FAM131B: variants seen among roughly 807,000 people sequenced by gnomAD.
FAM131B encodes family with sequence similarity 131 member B.
Under a neutral mutation model 42.0 loss-of-function variants are expected in FAM131B, and 19 were observed. The ratio of observed to expected loss-of-function variants is 0.45; its 90% CI spans 0.32 to 0.66. FAM131B has a LOEUF of 0.66. FAM131B is among the 30% of genes least tolerant of loss of function. The pLI is 0.05. For synonymous variants in FAM131B, 183 were observed against 177.6 expected, an observed-to-expected ratio of 1.03 and a Z score of -0.24; for missense variants, 370 against 468.4, an observed-to-expected ratio of 0.79 and a Z score of 1.94.
chr7:143,359,900 G>A lies in FAM131B; in HGVS notation c.139-133C>T. 2.0e-6 allele frequency: 2 copies of A among 1,011,280 alleles called. No homozygotes were observed. Among genetic ancestry groups the A allele is most frequent in the Non-Finnish European group, 3.0e-6 (2 of 659,522 alleles). 62.6% of individuals were successfully genotyped at this position (1,011,280 alleles called of 1,614,324 possible). A position where few individuals can be genotyped will look rare whatever the true frequency, so the allele number is the denominator to read the frequency against. ...TCCTGAGGTTGATGCCGCTAACTGG[G>A]TTCTCCATGTGGACTGCTTGGCATG... On this transcript the variant is annotated intron_variant, in intron 2 of 6. Coordinates refer to ENST00000443739, the MANE Select transcript of FAM131B (RefSeq NM_001031690.3). The surrounding 1 kb of genome is among the most constrained non-coding windows in gnomAD (Gnocchi z 5.4).
At chr7:143,360,345 T>C in intron 1 of FAM131B, 196 bp from the exon 2 acceptor site, 3 of 1,420,106 alleles carry the variant, frequency 2.1e-6, no homozygotes, top group Non-Finnish European at 2.8e-6. Context: ...CCCAGAATAG[T>C]GCACTCAGAA....
chr7:143,381,166 A>C, the FAM131B span: 1 of 985,578 alleles, frequency 1.0e-6, no homozygotes, highest in Non-Finnish European at 1.2e-6. Flanking sequence ...AGGCAGGATC[A>C]GGGCCCCTTC....
chr7:143,382,163 G>T, the FAM131B span: 5 of 1,167,246 alleles, frequency 4.3e-6, no homozygotes, highest in South Asian at 5.6e-5. Context: ...GAGTTCTTGG[G>T]TTAGGGGTTA....
At chr7:143,360,236 C>T in intron 1 of FAM131B, 87 bp from the exon 2 acceptor site, 1 of 1,535,864 alleles carries the variant, frequency 6.5e-7, no homozygotes, top group South Asian at 1.2e-5. Context: ...ACACCCCTTC[C>T]TTACCCCAGC....
rs887866002 is a variant in FAM131B, at chr7:143,362,654, G to A, written c.-51C>T. On this transcript the variant is annotated 5_prime_UTR_variant, in exon 1 of 7. Transcript: ENST00000443739. The surrounding 1 kb of genome is among the most constrained non-coding windows in gnomAD (Gnocchi z 7.7). Reference sequence around the variant, plus strand: ...CCTCACCGACTCGGGGCGCGCGCCGGGGGGAGCACCGGGAGCCGCGCCGCC... The same window carrying A: ...CCTCACCGACTCGGGGCGCGCGCCGAGGGGAGCACCGGGAGCCGCGCCGCC... 51 of 1,141,876 alleles carry A rather than the reference G, an allele frequency of 4.5e-5. No individual in the cohort carries two copies. In the Admixed American group the frequency reaches 6.8e-4, roughly 15 times the overall value. 70.7% of individuals were successfully genotyped at this position (1,141,876 alleles called of 1,614,324 possible).
rs1388668086 is a variant in FAM131B, at chr7:143,355,810, T to G, written c.*740A>C. ...GGATCTTCCTTTTAGCCATGGGATA[T>G]TAAAGATCCCAGAGCAAGGGGCTGT... On this transcript the variant is annotated 3_prime_UTR_variant, in exon 7 of 7. Coordinates refer to ENST00000443739, the MANE Select transcript of FAM131B (RefSeq NM_001031690.3). This position sits in a 1 kb window ranked among gnomAD's most constrained non-coding sequence, Gnocchi z 4.1. 3 of 152,292 alleles carry G rather than the reference T, an allele frequency of 2.0e-5. No individual in the cohort carries two copies. The highest frequency in any genetic ancestry group is 7.2e-5 in the African/African-American group (3 of 41,456). 9.4% of individuals were successfully genotyped at this position (152,292 alleles called of 1,614,324 possible).
chr7:143,356,894 A>T lies in FAM131B; in HGVS notation c.739T>A (p.Ser247Thr), dbSNP rs1169780409. Residue 247 changes from serine (S) to threonine (T), a missense_variant, in exon 7 of 7, where the codon TCC becomes ACC. Transcript: ENST00000443739. This position sits in a 1 kb window ranked among gnomAD's most constrained non-coding sequence, Gnocchi z 4.4. ...TCATCAAATGCAGGCCCAAGATAGG[A>T]TCCTGTGGCCGGAGAGGCAATGAGG... is the stretch of plus-strand genomic sequence containing the variant. ...QSLIASPATG[S>T]YLGPAFDDSQ... 1 of 1,614,074 alleles carries T rather than the reference A, an allele frequency of 6.2e-7. No individual in the cohort carries two copies. Among genetic ancestry groups the T allele is most frequent in the South Asian group, 1.1e-5 (1 of 91,078 alleles).
chr7:143,382,200 T>A, the FAM131B span: 3 of 1,506,602 alleles, frequency 2.0e-6, no homozygotes, highest in Non-Finnish European at 2.7e-6. Flanking sequence ...GGAGCTTGGG[T>A]GAGGGGTAGA....
At chr7:143,369,719 A>G in the FAM131B span, among the ~76,000 whole-genome samples, 1 of 151,100 alleles carries the variant, frequency 6.6e-6, no homozygotes. Context: ...CCTCATAAGC[A>G]TTCTTACCAA....
upstream of FAM131B, chr7:143,363,827 A>G (rs936719645): frequency 2.6e-5 from 4 of 152,240 alleles, no homozygotes; most frequent in Non-Finnish European, 4.4e-5. Context: ...AGAGAAGGCA[A>G]TGGGCCAGGG....
At chr7:143,377,473 G>A in the FAM131B span, among the ~76,000 whole-genome samples, 1 of 152,246 alleles carries the variant, frequency 6.6e-6, no homozygotes, top group South Asian at 2.1e-4. Context: ...GAAAGGGGCT[G>A]TTGATGGACC....
chr7:143,381,685 C>A, the FAM131B span: 1 of 1,609,526 alleles, frequency 6.2e-7, no homozygotes, highest in Non-Finnish European at 8.5e-7. Context: ...AAGTGAATCC[C>A]TTCCGGCCCG....
the FAM131B span, chr7:143,382,285 C>T: frequency 2.5e-6 from 4 of 1,612,770 alleles, no homozygotes; most frequent in Admixed American, 1.7e-5. Flanking sequence ...CTGGGGATGG[C>T]GACGATGCAG....
chr7:143,363,867 C>T (rs745827538), upstream of FAM131B: 5 of 152,126 alleles, frequency 3.3e-5, no homozygotes, highest in Non-Finnish European at 7.3e-5. Flanking sequence ...AACAGGGAGG[C>T]TAAGTCTTAT....
At chr7:143,381,208 C>T in the FAM131B span, 1 of 1,000,414 alleles carries the variant, frequency 1.0e-6, no homozygotes, top group Non-Finnish European at 1.2e-6. Context: ...TCCGCCCTTC[C>T]CCGCTCTCCC....
the FAM131B span, among the ~76,000 whole-genome samples, chr7:143,370,037 AAAG>A: frequency 1.3e-5 from 2 of 152,230 alleles, no homozygotes; most frequent in East Asian, 1.9e-4. Context: ...TCTTTAACTT[AAAG>A]AAGAATTTCC....
chr7:143,356,621 G>T lies in FAM131B; in HGVS notation c.1012C>A (p.Arg338=), dbSNP rs534174916. 6.2e-7 allele frequency: 1 copy of T among 1,613,978 alleles called. No homozygotes were observed. Among genetic ancestry groups the T allele is most frequent in the African/African-American group, 1.3e-5 (1 of 74,956 alleles). The change falls in exon 7 of 7, where the codon CGG becomes AGG. Residue 338 remains arginine (R), a synonymous_variant. Coordinates refer to ENST00000443739, the MANE Select transcript of FAM131B (RefSeq NM_001031690.3). The surrounding 1 kb of genome is among the most constrained non-coding windows in gnomAD (Gnocchi z 4.4). ...EDPEMSTALS[R]KVSDVTSSGV... The stretch of plus-strand genomic sequence containing the variant: ...GAGGATGTGACGTCAGACACCTTCC[G>T]GCTGAGAGCGGTAGACATCTCAGGG...
In FAM131B at chr7:143,359,002, G is replaced by A. The variant is rs553706148; in HGVS notation, c.291C>T (p.Asp97=). Reference sequence around the variant, plus strand: ...CCATGGCTGTGGGCTTTGTCACATGGTCCTTCATGCTCCGTGAGATCCCTA... The same window carrying A: ...CCATGGCTGTGGGCTTTGTCACATGATCCTTCATGCTCCGTGAGATCCCTA... The part of the protein sequence containing the change: ...SFSGISRSMK[D]HVTKPTAMGQ... The change falls in exon 5 of 7, where the codon GAC becomes GAT. Residue 97 remains aspartate, a synonymous_variant. Coordinates refer to ENST00000443739, the MANE Select transcript of FAM131B (RefSeq NM_001031690.3). This position sits in a 1 kb window ranked among gnomAD's most constrained non-coding sequence, Gnocchi z 5.4. 6.2e-7 allele frequency: 1 copy of A among 1,613,858 alleles called. No homozygotes were observed. Among genetic ancestry groups the A allele is most frequent in the Non-Finnish European group, 8.5e-7 (1 of 1,180,016 alleles).
chr7:143,369,674 C>CAAA, the FAM131B span, among the ~76,000 whole-genome samples: 300 of 134,994 alleles, frequency 2.2e-3, 2 homozygotes, highest in Non-Finnish European at 2.8e-3. Flanking sequence ...GAATCCGTCT[C>CAAA]AAAAAAAAAA....
Sources: allele counts gnomAD v4.1 joint callset (sites outside exome capture counted in the v4.1 genomes callset), GRCh38; gene constraint gnomAD v4.1.1; non-coding constraint Gnocchi (gnomAD v3.1); transcripts MANE v1.5; gene names NCBI Gene and HGNC (gene_info 2026-07-23, HGNC 2026-07-21).